The following SCUBE1 variants were observed in gnomAD, a reference collection of about 807,000 sequenced individuals.
The protein encoded by SCUBE1 is signal peptide, CUB and EGF-like domain-containing protein 1.
SCUBE1 carries 59 observed loss-of-function variants against 124.4 expected under a neutral mutation model. That is an observed-to-expected ratio of 0.47 (90% CI 0.38 to 0.59). The LOEUF (loss-of-function observed/expected upper bound fraction) is 0.59. SCUBE1 is among the 20% of genes least tolerant of loss of function. The pLI is 0.00. For missense variants in SCUBE1, 1,150 were observed against 1,371.2 expected, an observed-to-expected ratio of 0.84 and a Z score of 2.55; for synonymous variants, 545 against 550.9, an observed-to-expected ratio of 0.99 and a Z score of 0.15.
chr22:43,221,407 G>C, intron 12 of SCUBE1, 118 bp from the exon 13 acceptor site: 1 of 676,896 alleles, frequency 1.5e-6, no homozygotes, highest in Non-Finnish European at 2.7e-6. Context: ...CTTGATCTGA[G>C]TCCCTGTGCC....
chr22:43,235,867 G>T (rs147890634), intron 7 of SCUBE1, among the ~76,000 whole-genome samples: 1 of 151,942 alleles, frequency 6.6e-6, no homozygotes, highest in Non-Finnish European at 1.5e-5. Context: ...AAACGGGCAC[G>T]GTACCCAGCA....
At chr22:43,290,968 T>C (rs569724949) in intron 4 of SCUBE1, 78 bp downstream of exon 4, 67 of 1,441,832 alleles carry the variant, frequency 4.6e-5, no homozygotes, top group East Asian at 7.5e-5. Flanking sequence ...GGCCCCAGAA[T>C]TGAGATGTGG....
intron 3 of SCUBE1, among the ~76,000 whole-genome samples, chr22:43,310,751 G>A (rs1926141712): frequency 6.6e-6 from 1 of 152,208 alleles, no homozygotes; most frequent in South Asian, 2.1e-4. Context: ...GGGGGACATA[G>A]TGATTTTTCA....
intron 6 of SCUBE1, among the ~76,000 whole-genome samples, chr22:43,249,075 A>G: frequency 6.6e-6 from 1 of 152,116 alleles, no homozygotes; most frequent in Non-Finnish European, 1.5e-5. Flanking sequence ...AGCAAAAGGC[A>G]GCCTTTGTCA....
intron 15 of SCUBE1, among the ~76,000 whole-genome samples, chr22:43,217,544 C>T (rs138995): frequency 0.38 from 56,988 of 151,924 alleles, 13,550 homozygotes; most frequent in Non-Finnish European, 0.54. Flanking sequence ...TAAGAGCGCG[C>T]ATGAGCCTGC....
rs111857703 is a variant in SCUBE1 at position 43,264,095 on chromosome 22, C to T, written c.485-1250G>A. On this transcript the variant is annotated intron_variant, in intron 4 of 21. Transcript: ENST00000360835. ...CCAGCCACGGCTAATTTCAAGGTAC[C>T]AGGGAGATGTCGCCAAGGGTAGAGC... Among the ~76,000 whole-genome samples, 1,471 of 152,274 alleles carry T rather than the reference C, an allele frequency of 9.7e-3. 27 individuals are homozygous for T. The highest frequency in any genetic ancestry group is 0.034 in the African/African-American group (1,427 of 41,546).
intron 3 of SCUBE1, among the ~76,000 whole-genome samples, chr22:43,295,701 T>A (rs1399575524): frequency 6.6e-6 from 1 of 152,168 alleles, no homozygotes; most frequent in East Asian, 1.9e-4. Flanking sequence ...TGGAACTGCC[T>A]CCCCTCCTTG....
intron 19 of SCUBE1, among the ~76,000 whole-genome samples, chr22:43,208,862 C>T (rs2146652305): frequency 6.6e-6 from 1 of 152,358 alleles, no homozygotes; most frequent in Non-Finnish European, 1.5e-5. Context: ...AGCACCCCAG[C>T]CCTGCCCAGC....
At chr22:43,303,959 G>C (rs552776877) in intron 3 of SCUBE1, among the ~76,000 whole-genome samples, 2 of 152,296 alleles carry the variant, frequency 1.3e-5, no homozygotes, top group South Asian at 4.2e-4. Flanking sequence ...CTCCACTTCT[G>C]ACTCGCTGCT....
intron 3 of SCUBE1, among the ~76,000 whole-genome samples, chr22:43,307,251 T>C (rs894078199): frequency 5.3e-5 from 8 of 152,184 alleles, no homozygotes; most frequent in African/African-American, 1.9e-4. Flanking sequence ...CAGAGAGGTC[T>C]TCTCTAGGGG....
rs548608916 is a variant in SCUBE1, at chr22:43,221,283, G to A, written c.1439C>T (p.Pro480Leu). Residue 480 changes from proline to leucine, a missense_variant, in exon 13 of 22, where the codon CCC (proline) becomes CTC (leucine). Pro to Leu is a moderately conservative substitution (Grantham distance 98, BLOSUM62 -3). This residue lies in a region of SCUBE1 where 757 missense variants were observed against 840.9 expected (regional missense o/e 0.90). Transcript: ENST00000360835. ...GGCCTTCTGTTTGATGGGGGTGGTGGGGGCATCTGGGGAAAGCCAAAATTC... is the reference window on the plus strand; with the variant it reads ...GGCCTTCTGTTTGATGGGGGTGGTGAGGGCATCTGGGGAAAGCCAAAATTC... ...SGLGPSCSDA[P>L]TTPIKQKARF... 43 of 1,608,272 alleles carry A rather than the reference G, an allele frequency of 2.7e-5. No individual in the cohort carries two copies. The South Asian group carries it at 4.3e-4, about 16-fold the overall frequency.
Position 43,227,450 on chromosome 22 carries a change from G to A in SCUBE1, c.1131C>T (p.Cys377=), listed in dbSNP as rs142424380. 58 of 1,612,984 alleles carry A rather than the reference G, an allele frequency of 3.6e-5. 1 individual carries two copies. The highest frequency in any genetic ancestry group is 3.0e-4 in the Admixed American group (18 of 59,972). ...SMSNGSCDQG[C]VNTKGSYECV... ...ACTCGTAGCTGCCCTTGGTGTTGAC[G>A]CAGCCCTGGTCACAGCTCCCGTTGC... The change falls in exon 10 of 22, where the codon TGC becomes TGT. Residue 377 remains cysteine (C), a synonymous_variant. Coordinates refer to ENST00000360835, the MANE Select transcript of SCUBE1 (RefSeq NM_173050.5).
intron 21 of SCUBE1, 72 bp from the exon 22 acceptor site, chr22:43,204,221 G>C (rs1569493458): frequency 2.1e-6 from 3 of 1,426,422 alleles, no homozygotes; most frequent in East Asian, 2.3e-5. Flanking sequence ...TGCCAGGCTG[G>C]GGGAGGGGAG....
chr22:43,270,122 T>C (rs2146720991), intron 4 of SCUBE1: 1 of 152,364 alleles, frequency 6.6e-6, no homozygotes, highest in Admixed American at 6.5e-5. Context: ...TGGAGAATTC[T>C]ACACATAAGT....
chr22:43,291,010 G>C (rs534851515), intron 4 of SCUBE1, 36 bp downstream of exon 4: 82 of 1,541,394 alleles, frequency 5.3e-5, no homozygotes, highest in Admixed American at 3.9e-4. Context: ...CCCATCCTGG[G>C]GGGGGACATG....
chr22:43,199,625 G>T lies in SCUBE1; in HGVS notation c.*4372C>A, dbSNP rs138976. The T allele has an allele frequency of 0.18, 27,838 of 150,882 alleles. 3,889 individuals are homozygous for T. The highest frequency in any genetic ancestry group is 0.31 in the African/African-American group (12,480 of 40,568). The allele number at this position is 150,882 out of a possible 1,614,324, so 9.3% of individuals were successfully genotyped here. On this transcript the variant is annotated 3_prime_UTR_variant, in exon 22 of 22. Coordinates refer to ENST00000360835, the MANE Select transcript of SCUBE1 (RefSeq NM_173050.5). Reference sequence around the variant, plus strand: ...CCCTGCAGCCTGGGCCACCATGGAGGTGGGGGAGGACTGGGCCACACTGTA... The same window carrying T: ...CCCTGCAGCCTGGGCCACCATGGAGTTGGGGGAGGACTGGGCCACACTGTA...
At position 43,238,821 on chromosome 22, in the gene SCUBE1, C is replaced by T. The variant is rs751811165; in HGVS notation, c.844+17G>A. 1.2e-6 allele frequency: 2 copies of T among 1,603,626 alleles called. No homozygotes were observed. The highest frequency in any genetic ancestry group is 1.7e-6 in the Non-Finnish European group (2 of 1,171,494). On this transcript the variant is annotated intron_variant, in intron 7 of 21. Transcript: ENST00000360835. ...GCCAGTACAGGCAGGGGCACCCACA[C>T]AGCTCCACATGCTGACCTTTGCATG...
At chr22:43,285,021 C>T (rs183929860) in intron 4 of SCUBE1, among the ~76,000 whole-genome samples, 6 of 152,256 alleles carry the variant, frequency 3.9e-5, no homozygotes, top group Non-Finnish European at 5.9e-5. Flanking sequence ...GAAGGTGAAA[C>T]GCACTTGGGT....
At chr22:43,227,523 G>C in intron 9 of SCUBE1, 27 bp from the exon 10 acceptor site, 1 of 1,602,206 alleles carries the variant, frequency 6.2e-7, no homozygotes. Flanking sequence ...CGTAAGGGCA[G>C]AGGGGAGGCT....
Sources: allele counts gnomAD v4.1 joint callset (sites outside exome capture counted in the v4.1 genomes callset), GRCh38; gene constraint gnomAD v4.1.1; regional missense constraint gnomAD v4.1.1; transcripts MANE v1.5; gene names NCBI Gene and HGNC (gene_info 2026-07-23, HGNC 2026-07-21).